The following NLGN1 variants were observed in gnomAD, a reference collection of about 807,000 sequenced individuals.
NLGN1 encodes the protein neuroligin-1.
Under a neutral mutation model 65.5 loss-of-function variants are expected in NLGN1, and 12 were observed. The ratio of observed to expected loss-of-function variants is 0.18; its 90% CI spans 0.12 to 0.30. The LOEUF (loss-of-function observed/expected upper bound fraction) is 0.30, where lower values mean the gene tolerates loss of function less well. NLGN1 is among the 10% of genes least tolerant of loss of function. NLGN1 has a pLI of 1.00. For synonymous variants in NLGN1, 350 were observed against 359.5 expected (o/e 0.97, Z 0.30); for missense variants, 750 against 1,007.1 (o/e 0.74, Z 3.46).
intron 4 of NLGN1, among the ~76,000 whole-genome samples, chr3:173,996,208 A>G (rs952156531): frequency 6.6e-6 from 1 of 152,172 alleles, no homozygotes. Context: ...AGCATCTATA[A>G]TTTACATAAT....
At chr3:173,399,164 G>A (rs1218341909) in intron 1 of NLGN1, among the ~76,000 whole-genome samples, 1 of 152,232 alleles carries the variant, frequency 6.6e-6, no homozygotes, top group Admixed American at 6.5e-5. Flanking sequence ...GTGATTGAGT[G>A]ATTCACAGAG....
chr3:174,240,097 G>C (rs1317859702), intron 4 of NLGN1, among the ~76,000 whole-genome samples: 3 of 152,156 alleles, frequency 2.0e-5, no homozygotes, highest in Non-Finnish European at 4.4e-5. Context: ...ATTTAACAAT[G>C]GGTGTGTATA....
At chr3:173,593,246 AGGG>A (rs1193231176) in intron 2 of NLGN1, among the ~76,000 whole-genome samples, 1 of 152,180 alleles carries the variant, frequency 6.6e-6, no homozygotes, top group Non-Finnish European at 1.5e-5. Context: ...TTTTGATTCA[AGGG>A]TACATGTGCA....
intron 2 of NLGN1, among the ~76,000 whole-genome samples, chr3:173,550,014 A>T (rs867319468): frequency 3.3e-5 from 5 of 152,058 alleles, no homozygotes; most frequent in Middle Eastern, 6.3e-3. Flanking sequence ...ATGAGGATCT[A>T]GGTCAACTGA....
chr3:174,106,980 TCACACACACACA>T (rs370193288), intron 4 of NLGN1, among the ~76,000 whole-genome samples: 4 of 113,094 alleles, frequency 3.5e-5, no homozygotes, highest in Non-Finnish European at 7.5e-5. Flanking sequence ...TCTTCAAGAA[TCACACACACACA>T]CACACACACA....
chr3:173,910,200 T>C (rs1251862562), intron 4 of NLGN1, among the ~76,000 whole-genome samples: 2 of 152,188 alleles, frequency 1.3e-5, no homozygotes, highest in Non-Finnish European at 2.9e-5. Flanking sequence ...ACAAATCACC[T>C]GGGATCCTGC....
Position 174,280,412 on chromosome 3 carries a change from T to TTAAAG in NLGN1, c.1650-66_1650-62dup, listed in dbSNP as rs1487464364. ...GAGTCATCTATTTAATTATTAGATGTTAAAGTAGTGTGATTTTAAGTAAAA... is the reference window on the plus strand; with the variant it reads ...GAGTCATCTATTTAATTATTAGATGTTAAAGTAAAGTAGTGTGATTTTAAGTAAAA... On this transcript the variant is annotated intron_variant, in intron 6 of 6. Transcript: ENST00000457714. The surrounding 1 kb of genome is among the most constrained non-coding windows in gnomAD (Gnocchi z 4.9). 4.7e-6 allele frequency: 5 copies of TTAAAG among 1,053,906 alleles called. No individual in the cohort carries two copies. In the African/African-American group the frequency reaches 8.2e-5, roughly 17 times the overall value. 65.3% of individuals were successfully genotyped at this position (1,053,906 alleles called of 1,614,324 possible).
chr3:174,286,568 C>G (rs1436275898), exon 7 of NLGN1: 1 of 151,508 alleles, frequency 6.6e-6, no homozygotes, highest in African/African-American at 2.4e-5. Context: ...TGTCATGATT[C>G]AGTTTGTGTT....
intron 4 of NLGN1, among the ~76,000 whole-genome samples, chr3:174,017,397 G>T (rs1277090555): frequency 2.6e-5 from 4 of 152,064 alleles, no homozygotes; most frequent in African/African-American, 9.7e-5. Context: ...TCATTTCTTT[G>T]ACAGCCTATC....
chr3:174,244,998 A>G (rs1049909969), intron 4 of NLGN1, among the ~76,000 whole-genome samples: 3 of 152,130 alleles, frequency 2.0e-5, no homozygotes, highest in African/African-American at 7.2e-5. Context: ...ATTGTCTGAC[A>G]TCTTGTATTT....
chr3:173,905,859 T>C (rs1351233588), intron 4 of NLGN1, among the ~76,000 whole-genome samples: 1 of 152,178 alleles, frequency 6.6e-6, no homozygotes, highest in Non-Finnish European at 1.5e-5. Context: ...TAAAAATCTA[T>C]TTCATCAGCT....
In NLGN1 at chr3:173,747,059, T is replaced by TAC. The variant is rs3033827; in HGVS notation, c.494-60589_494-60588dup. Among the ~76,000 whole-genome samples, 402 of 130,392 alleles carry TAC rather than the reference T, an allele frequency of 3.1e-3. 2 individuals carry two copies. The highest frequency in any genetic ancestry group is 8.4e-3 in the South Asian group (37 of 4,384). The allele number at this position is 130,392 out of a possible 152,430, so 85.5% of individuals were successfully genotyped here. On this transcript the variant is annotated intron_variant, in intron 3 of 6. Coordinates refer to ENST00000457714, the Ensembl canonical transcript of NLGN1. ...TGCCTCAAAAAGAAAAAATTATATATACACACACACACACACACACACACA... is the reference window on the plus strand; with the variant it reads ...TGCCTCAAAAAGAAAAAATTATATATACACACACACACACACACACACACACA...
intron 1 of NLGN1, among the ~76,000 whole-genome samples, chr3:173,423,415 T>G (rs1365748356): frequency 6.6e-6 from 1 of 152,126 alleles, no homozygotes; most frequent in African/African-American, 2.4e-5. Context: ...AAGCCTTATC[T>G]GAGACAAGGC....
At position 173,783,691 on chromosome 3, in the gene NLGN1, G is replaced by A. The variant is rs555615495; in HGVS notation, c.494-23989G>A. On this transcript the variant is annotated intron_variant, in intron 3 of 6. Transcript: ENST00000457714. ...GTGCAGTGGCACGATTTTGGCTCACGGCAATCTCTGCCTCATGGGATTCAG... is the reference window on the plus strand; with the variant it reads ...GTGCAGTGGCACGATTTTGGCTCACAGCAATCTCTGCCTCATGGGATTCAG... Among the ~76,000 whole-genome samples, 398 of 152,162 alleles carry A rather than the reference G, an allele frequency of 2.6e-3. 6 individuals are homozygous for A. Among genetic ancestry groups the A allele is most frequent in the African/African-American group, 8.5e-3 (351 of 41,508 alleles).
At chr3:174,259,608 C>T (rs1275063877) in intron 4 of NLGN1, among the ~76,000 whole-genome samples, 1 of 152,032 alleles carries the variant, frequency 6.6e-6, no homozygotes, top group Non-Finnish European at 1.5e-5. Flanking sequence ...TATTACAATA[C>T]AATTAAATGT....
chr3:173,888,294 A>T (rs1474064471), intron 4 of NLGN1, among the ~76,000 whole-genome samples: 1 of 152,066 alleles, frequency 6.6e-6, no homozygotes, highest in Admixed American at 6.6e-5. Context: ...CAAATCCGTT[A>T]TACAAAATGG....
At chr3:173,990,014 A>G (rs1457545226) in intron 4 of NLGN1, among the ~76,000 whole-genome samples, 2 of 152,178 alleles carry the variant, frequency 1.3e-5, no homozygotes, top group African/African-American at 4.8e-5. Context: ...AATAATCATG[A>G]TCCATCCTCA....
intron 4 of NLGN1, among the ~76,000 whole-genome samples, chr3:173,951,457 C>CTTTTTTTTTTT (rs67595515): frequency 7.0e-6 from 1 of 142,606 alleles, no homozygotes; most frequent in Non-Finnish European, 1.5e-5. Flanking sequence ...AGGTATCATT[C>CTTTTTTTTTTT]TTTTTTTTTT....
chr3:173,812,049 T>C (rs1012635416), intron 4 of NLGN1, among the ~76,000 whole-genome samples: 1 of 151,972 alleles, frequency 6.6e-6, no homozygotes, highest in African/African-American at 2.4e-5. Context: ...TTCTAGCACA[T>C]GTGATTTATT....
Sources: allele counts gnomAD v4.1 joint callset (sites outside exome capture counted in the v4.1 genomes callset), GRCh38; gene constraint gnomAD v4.1.1; non-coding constraint Gnocchi (gnomAD v3.1); transcripts MANE v1.5; gene names NCBI Gene and HGNC (gene_info 2026-07-23, HGNC 2026-07-21).